The following NCKAP5 variants were observed in gnomAD, a reference collection of about 807,000 sequenced individuals.
NCKAP5 encodes the protein NCK associated protein 5.
In NCKAP5, 92 loss-of-function variants were observed where a neutral mutation model predicts 167.0. That is an observed-to-expected ratio of 0.55 (90% CI 0.47 to 0.66). The LOEUF is 0.66. Ranked by LOEUF, NCKAP5 falls within the 30% of genes least tolerant of loss-of-function variation. NCKAP5 has a pLI of 0.00. For synonymous variants in NCKAP5, 891 were observed against 877.4 expected (o/e 1.02, Z -0.27); for missense variants, 2,378 against 2,315.0 (o/e 1.03, Z -0.56).
intron 6 of NCKAP5, among the ~76,000 whole-genome samples, chr2:133,058,087 T>TAA (rs1219386825): frequency 1.3e-5 from 2 of 152,146 alleles, no homozygotes; most frequent in Non-Finnish European, 2.9e-5. Context: ...CAAGGCTTAG[T>TAA]AAATGTTTTA....
At chr2:133,588,592 A>G in the NCKAP5 span, among the ~76,000 whole-genome samples, 1 of 152,158 alleles carries the variant, frequency 6.6e-6, no homozygotes, top group Admixed American at 6.5e-5. Context: ...AAGCATTAGA[A>G]TTATAGAAGT....
chr2:133,476,262 T>G (rs1422926288), intron 3 of NCKAP5, among the ~76,000 whole-genome samples: 6 of 152,248 alleles, frequency 3.9e-5, no homozygotes, highest in Admixed American at 1.3e-4. Flanking sequence ...TTGCAGAGTG[T>G]GCAATGCAAA....
chr2:133,495,449 G>C lies in NCKAP5; in HGVS notation c.69+22009C>G, dbSNP rs537098460. On this transcript the variant is annotated intron_variant, in intron 3 of 19. Coordinates refer to ENST00000409261, the MANE Select transcript of NCKAP5 (RefSeq NM_207363.3). ...ACTGACGCTTAGTGCAGTAGGCACAGGGACTGTGTACAGATCTACACATGC... is the reference window on the plus strand; with the variant it reads ...ACTGACGCTTAGTGCAGTAGGCACACGGACTGTGTACAGATCTACACATGC... 3.0e-5 allele frequency among the ~76,000 whole-genome samples: 4 copies of C among 133,676 alleles called. No individual in the cohort carries two copies. In the East Asian group the frequency reaches 9.0e-4, roughly 30 times the overall value. The allele number at this position is 133,676 out of a possible 152,430, so 87.7% of individuals were successfully genotyped here. A position where few individuals can be genotyped will look rare whatever the true frequency, so the allele number is the denominator to read the frequency against.
chr2:133,022,295 C>T (rs1456492203), intron 6 of NCKAP5, among the ~76,000 whole-genome samples: 1 of 152,162 alleles, frequency 6.6e-6, no homozygotes, highest in African/African-American at 2.4e-5. Flanking sequence ...TTGACATCTA[C>T]AAAGGAAATC....
the NCKAP5 span, among the ~76,000 whole-genome samples, chr2:133,609,356 A>C: frequency 6.6e-6 from 1 of 152,238 alleles, no homozygotes; most frequent in African/African-American, 2.4e-5. Flanking sequence ...GTCATATTTA[A>C]TTTGATATGT....
At chr2:132,854,324 G>A (rs1689298386) in intron 11 of NCKAP5, among the ~76,000 whole-genome samples, 1 of 152,186 alleles carries the variant, frequency 6.6e-6, no homozygotes, top group Non-Finnish European at 1.5e-5. Flanking sequence ...TGGGAATGAA[G>A]AGCAAAGGTA....
intron 5 of NCKAP5, among the ~76,000 whole-genome samples, chr2:133,165,931 C>T (rs1256743953): frequency 6.6e-6 from 1 of 152,180 alleles, no homozygotes; most frequent in East Asian, 1.9e-4. Flanking sequence ...TAGCATTCCA[C>T]TAGTCAACCA....
intron 3 of NCKAP5, among the ~76,000 whole-genome samples, chr2:133,342,211 A>C (rs552847469): frequency 1.5e-4 from 23 of 152,148 alleles, no homozygotes; most frequent in Admixed American, 1.2e-3. Flanking sequence ...AGTGGGATCT[A>C]AACATTCTTT....
intron 11 of NCKAP5, among the ~76,000 whole-genome samples, chr2:132,800,404 A>G (rs748987129): frequency 6.6e-6 from 1 of 152,234 alleles, no homozygotes; most frequent in Non-Finnish European, 1.5e-5. Flanking sequence ...ACTACTCAGT[A>G]TAGGTTTGAA....
chr2:133,011,093 A>G (rs2078144289), intron 6 of NCKAP5, among the ~76,000 whole-genome samples: 1 of 152,224 alleles, frequency 6.6e-6, no homozygotes, highest in Admixed American at 6.5e-5. Flanking sequence ...ATAATATACT[A>G]CATTGATTAA....
At chr2:133,354,402 T>C (rs112438614) in intron 3 of NCKAP5, among the ~76,000 whole-genome samples, 74 of 152,048 alleles carry the variant, frequency 4.9e-4, no homozygotes, top group African/African-American at 1.7e-3. Context: ...GCAACAGGCA[T>C]GCACCACCAT....
At chr2:133,364,880 A>T (rs113043993) in intron 3 of NCKAP5, among the ~76,000 whole-genome samples, 1,539 of 151,956 alleles carry the variant, frequency 0.01, 32 homozygotes, top group African/African-American at 0.034. Context: ...CCTCCTGAGT[A>T]GCTGGGACTG....
intron 8 of NCKAP5, among the ~76,000 whole-genome samples, chr2:132,920,509 A>C (rs966017959): frequency 1.3e-5 from 2 of 151,130 alleles, no homozygotes; most frequent in African/African-American, 4.9e-5. Flanking sequence ...AGACAAAGGG[A>C]AAGCTGATGG....
At chr2:133,078,019 T>G (rs6757447) in intron 6 of NCKAP5, among the ~76,000 whole-genome samples, 1 of 152,168 alleles carries the variant, frequency 6.6e-6, no homozygotes, top group South Asian at 2.1e-4. Context: ...GAGACCAACA[T>G]GCTGGTCCCA....
chr2:133,464,639 G>A (rs1304889198), intron 3 of NCKAP5, among the ~76,000 whole-genome samples: 2 of 151,916 alleles, frequency 1.3e-5, no homozygotes, highest in Non-Finnish European at 1.5e-5. Flanking sequence ...TCAGTGAGCC[G>A]AGATCCCACC....
chr2:133,292,882 T>A (rs993512827), intron 4 of NCKAP5, among the ~76,000 whole-genome samples: 1 of 152,212 alleles, frequency 6.6e-6, no homozygotes. Context: ...CAGTGGTTTA[T>A]TTATTAACTA....
intron 3 of NCKAP5, among the ~76,000 whole-genome samples, chr2:133,352,263 C>T (rs1684415209): frequency 6.6e-6 from 1 of 152,216 alleles, no homozygotes; most frequent in South Asian, 2.1e-4. Context: ...AGCCCAACTC[C>T]CTGACTAGAA....
chr2:133,175,228 T>C (rs953096373), intron 5 of NCKAP5, among the ~76,000 whole-genome samples: 23 of 152,228 alleles, frequency 1.5e-4, no homozygotes, highest in Admixed American at 1.2e-3. Context: ...GAACCTAAGA[T>C]TTTAAGGGTT....
At chr2:133,401,975 A>T (rs1688130317) in intron 3 of NCKAP5, among the ~76,000 whole-genome samples, 1 of 152,118 alleles carries the variant, frequency 6.6e-6, no homozygotes, top group Non-Finnish European at 1.5e-5. Context: ...TGATCTCTCG[A>T]GATTCAGCTC....
Sources: gnomAD v4.1 joint callset for allele counts (sites outside exome capture counted in the v4.1 genomes callset) on GRCh38, gnomAD v4.1.1 for gene constraint, MANE v1.5 for transcripts, NCBI Gene and HGNC (gene_info 2026-07-23, HGNC 2026-07-21) for gene names.